Variants in FSTL5 observed in about 807,000 individuals in gnomAD.
The protein encoded by FSTL5 is follistatin like 5, also known as follistatin-related protein 5.
In FSTL5, 62 loss-of-function variants were observed where a neutral mutation model predicts 89.1. The ratio of observed to expected loss-of-function variants is 0.70; its 90% confidence interval spans 0.57 to 0.86. FSTL5 has a LOEUF of 0.86. FSTL5 is among the 40% of genes least tolerant of loss of function. The pLI, the probability that FSTL5 is intolerant of heterozygous loss-of-function variation, is 0.00. For missense variants in FSTL5, 1,057 were observed against 1,001.6 expected (o/e 1.06, Z -0.75); for synonymous variants, 383 against 346.2 (o/e 1.11, Z -1.18).
chr4:162,114,806 T>C (rs536794873), intron 1 of FSTL5, among the ~76,000 whole-genome samples: 1 of 152,174 alleles, frequency 6.6e-6, no homozygotes, highest in Non-Finnish European at 1.5e-5. Context: ...CAAGGCTGTA[T>C]AGGCAACCTA....
chr4:161,512,951 T>C (rs1351590013), intron 10 of FSTL5, among the ~76,000 whole-genome samples: 2 of 152,080 alleles, frequency 1.3e-5, no homozygotes, highest in African/African-American at 4.8e-5. Flanking sequence ...ACAGAAAGCA[T>C]TTTCCAATTT....
intron 2 of FSTL5, among the ~76,000 whole-genome samples, chr4:162,062,712 C>A (rs1305713466): frequency 6.6e-6 from 1 of 150,710 alleles, no homozygotes; most frequent in Non-Finnish European, 1.5e-5. Flanking sequence ...GTAAAATTTA[C>A]TTAAAGAATG....
At chr4:161,697,477 T>C (rs925785856) in intron 6 of FSTL5, among the ~76,000 whole-genome samples, 1 of 152,336 alleles carries the variant, frequency 6.6e-6, no homozygotes, top group East Asian at 1.9e-4. Flanking sequence ...CAATTGTATA[T>C]ATTATTGTGT....
intron 4 of FSTL5, among the ~76,000 whole-genome samples, chr4:161,887,779 A>C (rs906410620): frequency 1.3e-5 from 2 of 152,134 alleles, no homozygotes; most frequent in African/African-American, 2.4e-5. Context: ...AGTCTTCTTA[A>C]GTCTAAGGAA....
chr4:161,939,603 A>G (rs1444824326), intron 3 of FSTL5, among the ~76,000 whole-genome samples: 1 of 151,934 alleles, frequency 6.6e-6, no homozygotes, highest in Non-Finnish European at 1.5e-5. Context: ...TCAAATAATG[A>G]GAAGGACTGT....
chr4:162,158,581 A>G (rs1733574008), intron 1 of FSTL5, among the ~76,000 whole-genome samples: 1 of 152,058 alleles, frequency 6.6e-6, no homozygotes, highest in South Asian at 2.1e-4. Flanking sequence ...ACCTAAATAG[A>G]GGTACTAGAC....
chr4:161,729,130 T>C (rs1056454961), intron 6 of FSTL5, among the ~76,000 whole-genome samples: 1 of 152,210 alleles, frequency 6.6e-6, no homozygotes, highest in Non-Finnish European at 1.5e-5. Flanking sequence ...TATTCACTTG[T>C]TATTTCCTGT....
At chr4:161,489,522 A>C (rs1729793599) in intron 12 of FSTL5, among the ~76,000 whole-genome samples, 1 of 152,138 alleles carries the variant, frequency 6.6e-6, no homozygotes, top group South Asian at 2.1e-4. Context: ...TATGGATGAA[A>C]CTAATTTAAA....
At chr4:161,739,321 C>A (rs893863462) in intron 6 of FSTL5, among the ~76,000 whole-genome samples, 1 of 152,108 alleles carries the variant, frequency 6.6e-6, no homozygotes, top group Non-Finnish European at 1.5e-5. Flanking sequence ...ACCTACAAGC[C>A]AAGGAGAGAT....
intron 3 of FSTL5, among the ~76,000 whole-genome samples, chr4:161,970,579 AAG>A (rs1404095177): frequency 2.0e-5 from 3 of 152,124 alleles, no homozygotes; most frequent in Non-Finnish European, 2.9e-5. Context: ...AGATTGAACT[AAG>A]AGAAAAAAGT....
At chr4:162,039,670 TGAAAATAAGTTC>T (rs1327472482) in intron 2 of FSTL5, among the ~76,000 whole-genome samples, 26 of 152,132 alleles carry the variant, frequency 1.7e-4, no homozygotes, top group African/African-American at 6.0e-4. Flanking sequence ...GGCTAAATGC[TGAAAATAAGTTC>T]ATTTCTCTCA....
At chr4:161,727,807 C>T (rs935099866) in intron 6 of FSTL5, among the ~76,000 whole-genome samples, 5 of 152,068 alleles carry the variant, frequency 3.3e-5, no homozygotes, top group Admixed American at 6.6e-5. Flanking sequence ...TAAGAGAAGG[C>T]TTTCTGGAAA....
intron 3 of FSTL5, among the ~76,000 whole-genome samples, chr4:161,991,475 T>G (rs1397960112): frequency 6.6e-6 from 1 of 152,184 alleles, no homozygotes; most frequent in African/African-American, 2.4e-5. Context: ...TCCATATTAT[T>G]AACTCATTTG....
At chr4:161,504,456 G>A (rs1343953988) in intron 11 of FSTL5, among the ~76,000 whole-genome samples, 3 of 150,202 alleles carry the variant, frequency 2.0e-5, no homozygotes, top group Non-Finnish European at 4.4e-5. Context: ...TCGGGAACAT[G>A]TGCAGATTGT....
intron 10 of FSTL5, among the ~76,000 whole-genome samples, chr4:161,537,745 G>A (rs1161310051): frequency 2.0e-5 from 3 of 152,110 alleles, no homozygotes; most frequent in Admixed American, 1.3e-4. Context: ...ATGCTGTACA[G>A]GTCTTAATCC....
At chr4:161,965,228 G>A (rs1735290039) in intron 3 of FSTL5, among the ~76,000 whole-genome samples, 1 of 151,894 alleles carries the variant, frequency 6.6e-6, no homozygotes, top group African/African-American at 2.4e-5. Flanking sequence ...AAAATCTCCA[G>A]CACCTGACCA....
intron 8 of FSTL5, among the ~76,000 whole-genome samples, chr4:161,560,050 A>AT (rs59070841): frequency 0.43 from 65,475 of 150,640 alleles, 15,056 homozygotes; most frequent in Middle Eastern, 0.58. Context: ...TCTTGGTGTG[A>AT]TTTTTTTTTC....
chr4:162,022,705 A>T (rs2111162208), intron 3 of FSTL5: 1 of 152,302 alleles, frequency 6.6e-6, no homozygotes, highest in South Asian at 2.1e-4. Context: ...CATGCAAATT[A>T]CATCATGACA....
chr4:161,655,127 T>C (rs1001917633), intron 7 of FSTL5, among the ~76,000 whole-genome samples: 2 of 152,082 alleles, frequency 1.3e-5, no homozygotes, highest in Admixed American at 6.6e-5. Flanking sequence ...GTCTTTATTG[T>C]CTTTTGATTT....
Sources: allele counts gnomAD v4.1 joint callset (sites outside exome capture counted in the v4.1 genomes callset), GRCh38; gene constraint gnomAD v4.1.1; transcripts MANE v1.5; gene names NCBI Gene and HGNC (gene_info 2026-07-23, HGNC 2026-07-21).